The following ICE2 variants were observed in gnomAD, a reference collection of about 807,000 sequenced individuals.
ICE2 encodes the protein interactor of little elongation complex ELL subunit 2.
ICE2 carries 87 observed loss-of-function variants against 105.4 expected under a neutral mutation model. The ratio of observed to expected loss-of-function variants is 0.83; its 90% confidence interval spans 0.69 to 0.99. The LOEUF (loss-of-function observed/expected upper bound fraction) is 0.99. Ranked by LOEUF, ICE2 falls within the 50% of genes least tolerant of loss-of-function variation. The pLI, the probability that ICE2 is intolerant of heterozygous loss-of-function variation, is 0.00. For missense variants in ICE2, 1,323 were observed against 1,146.7 expected (o/e 1.15, Z -2.22); for synonymous variants, 399 against 392.0 (o/e 1.02, Z -0.21).
chr15:60,445,484 A>G (rs879223481), intron 11 of ICE2: 4 of 763,116 alleles, frequency 5.2e-6, no homozygotes, highest in Admixed American at 6.3e-5. Flanking sequence ...ACTACTACAT[A>G]TAATAACGGG....
intron 3 of ICE2, 36 bp downstream of exon 3, chr15:60,476,027 C>A: frequency 7.4e-7 from 1 of 1,359,272 alleles, no homozygotes; most frequent in Non-Finnish European, 1.0e-6. Flanking sequence ...AAACGACCAT[C>A]AAATATGGAA....
rs1292632983 is a variant in ICE2 at position 60,422,528 on chromosome 15, T to C, written c.*1106A>G. The stretch of plus-strand genomic sequence containing the variant: ...CCCGGAAAATTTAAATCAATCAGTA[T>C]AGATGAGGATAAAAATAGCTTATGC... On this transcript the variant is annotated 3_prime_UTR_variant, in exon 16 of 16. Transcript: ENST00000261520. 6.6e-6 allele frequency: 1 copy of C among 152,080 alleles called. No homozygotes were observed. The highest frequency in any genetic ancestry group is 2.4e-5 in the African/African-American group (1 of 41,394). 9.4% of individuals were successfully genotyped at this position (152,080 alleles called of 1,614,324 possible).
chr15:60,477,897 A>C (rs1407646690), intron 2 of ICE2, 40 bp downstream of exon 2: 3 of 1,553,688 alleles, frequency 1.9e-6, no homozygotes, highest in Non-Finnish European at 2.7e-6. Context: ...CAGCCCCACT[A>C]CACTCCTCTT....
rs1381972853 is a variant in ICE2, at chr15:60,442,457, C to G, written c.2384G>C (p.Trp795Ser). ...ALTESELCRL[W>S]TESLLHSNSS... ...GTTGGAATGCAATAAACTTTCAGTC[C>G]ATAAGCGACAAAGTTCACTTTCAGT... is the stretch of plus-strand genomic sequence containing the variant. Residue 795 changes from tryptophan to serine, a missense_variant, in exon 12 of 16, where the codon TGG (tryptophan) becomes TCG (serine). Coordinates refer to ENST00000261520, the MANE Select transcript of ICE2 (RefSeq NM_024611.6). The G allele has an allele frequency of 7.5e-6, 12 of 1,598,958 alleles. No individual in the cohort carries two copies. The highest frequency in any genetic ancestry group is 1.0e-5 in the Non-Finnish European group (12 of 1,177,104).
chr15:60,466,571 A>G (rs1030573730), intron 5 of ICE2, 23 bp downstream of exon 5: 1 of 1,607,760 alleles, frequency 6.2e-7, no homozygotes, highest in Non-Finnish European at 8.5e-7. Context: ...CGCAATTTAC[A>G]CAAATGTGAG....
At chr15:60,456,442 G>T (rs1233413298) in intron 6 of ICE2, among the ~76,000 whole-genome samples, 1 of 148,858 alleles carries the variant, frequency 6.7e-6, no homozygotes, top group Admixed American at 6.8e-5. Context: ...TACTTGGGAG[G>T]CTAAGGCAGG....
At chr15:60,442,341 T>A (rs1342076858) in intron 12 of ICE2, 75 bp downstream of exon 12, 4 of 1,307,468 alleles carry the variant, frequency 3.1e-6, no homozygotes, top group African/African-American at 3.0e-5. Flanking sequence ...AGAATAGAAG[T>A]ATTCACAATT....
chr15:60,420,036 A>G lies in ICE2; in HGVS notation c.*3598T>C, dbSNP rs2063227042. ...AGACCTGGACTTTTGACTTACAGAA[A>G]CTGTGAGATAATGTTTGTTGTTTTA... is the stretch of plus-strand genomic sequence containing the variant. On this transcript the variant is annotated 3_prime_UTR_variant, in exon 16 of 16. Transcript: ENST00000261520. 1 of 152,138 alleles carries G rather than the reference A, an allele frequency of 6.6e-6. No individual in the cohort carries two copies. The allele number at this position is 152,138 out of a possible 1,614,324, so 9.4% of individuals were successfully genotyped here.
rs1304195884 is a variant in ICE2, at chr15:60,456,692, T to C, written c.631A>G (p.Met211Val). The C allele has an allele frequency of 1.3e-6, 2 of 1,598,164 alleles. No homozygotes were observed. The highest frequency in any genetic ancestry group is 1.7e-6 in the Non-Finnish European group (2 of 1,173,064). Residue 211 changes from methionine (M) to valine (V), a missense_variant, in exon 6 of 16, where the codon ATG becomes GTG. Transcript: ENST00000261520. ...LMGFFPFRVE[M>V]GLKLEKTLLA... ...AGAGTTTTTTCTAACTTTAATCCCATCTCTACTCTGAATGGGAAGAATCCC... is the reference window on the plus strand; with the variant it reads ...AGAGTTTTTTCTAACTTTAATCCCACCTCTACTCTGAATGGGAAGAATCCC...
chr15:60,436,130 T>A lies in ICE2; in HGVS notation c.2510+13A>T. 1 of 1,196,208 alleles carries A rather than the reference T, an allele frequency of 8.4e-7. No homozygotes were observed. Among genetic ancestry groups the A allele is most frequent in the Non-Finnish European group, 1.2e-6 (1 of 854,594 alleles). 74.1% of individuals were successfully genotyped at this position (1,196,208 alleles called of 1,614,324 possible). A position where few individuals can be genotyped will look rare whatever the true frequency, so the allele number is the denominator to read the frequency against. ...AAATTTTTCAATTCTCACCACAAAG[T>A]AAACTTTCTTACTTGAGTGCTGAAA... On this transcript the variant is annotated intron_variant, in intron 13 of 15. Coordinates refer to ENST00000261520, the MANE Select transcript of ICE2 (RefSeq NM_024611.6).
chr15:60,447,921 TATTG>T (rs2063859304), intron 11 of ICE2, 45 bp downstream of exon 11: 1 of 1,411,828 alleles, frequency 7.1e-7, no homozygotes, highest in African/African-American at 1.4e-5. Flanking sequence ...GTTAAGTATC[TATTG>T]ATTATTTATG....
At chr15:60,478,105 T>G in intron 1 of ICE2, 36 bp from the exon 2 acceptor site, 1 of 827,788 alleles carries the variant, frequency 1.2e-6, no homozygotes, top group South Asian at 1.4e-5. Context: ...CAAAAGCAAG[T>G]GATTGGCTAG....
chr15:60,428,764 T>A (rs976722215), intron 14 of ICE2, 77 bp from the exon 15 acceptor site: 1 of 1,465,734 alleles, frequency 6.8e-7, no homozygotes, highest in African/African-American at 1.4e-5. Context: ...CATAATCTAT[T>A]AGTAAAATTG....
In ICE2 at chr15:60,453,528, T is replaced by G. The variant is rs777687177; in HGVS notation, c.1125+75A>C. On this transcript the variant is annotated intron_variant, in intron 9 of 15. Transcript: ENST00000261520. ...TATTTTTAACTACTAGGTTTAGGGA[T>G]TTGCAATAAAACTTTATGCTTCAAA... The G allele has an allele frequency of 6.4e-6, 10 of 1,563,824 alleles. No individual in the cohort carries two copies. In the South Asian group the frequency reaches 1.2e-4, roughly 19 times the overall value.
rs774500356 is a variant in ICE2, at chr15:60,428,387, A to G, written c.2820+42T>C. 3.8e-6 allele frequency: 6 copies of G among 1,584,108 alleles called. No homozygotes were observed. In the Admixed American group the frequency reaches 1.0e-4, roughly 28 times the overall value. The stretch of plus-strand genomic sequence containing the variant: ...GTAAAGTCAGTGAAATAGACGAATA[A>G]TAAACAACCTAATGAACCTTTAATT... On this transcript the variant is annotated intron_variant, in intron 15 of 15. Coordinates refer to ENST00000261520, the MANE Select transcript of ICE2 (RefSeq NM_024611.6).
At chr15:60,470,180 C>T (rs1391786254) in intron 3 of ICE2, among the ~76,000 whole-genome samples, 2 of 152,128 alleles carry the variant, frequency 1.3e-5, no homozygotes, top group African/African-American at 4.8e-5. Context: ...TCTCCAACTC[C>T]AGGACATTAT....
At chr15:60,443,818 G>A (rs535863351) in intron 11 of ICE2, among the ~76,000 whole-genome samples, 1 of 152,298 alleles carries the variant, frequency 6.6e-6, no homozygotes, top group South Asian at 2.1e-4. Flanking sequence ...CTCAGGCTGG[G>A]TGCAGTGGCT....
intron 3 of ICE2, among the ~76,000 whole-genome samples, chr15:60,472,648 A>G (rs990634419): frequency 6.6e-6 from 1 of 152,192 alleles, no homozygotes; most frequent in African/African-American, 2.4e-5. Flanking sequence ...AAGCCAGGCT[A>G]TAACCCACAC....
chr15:60,466,924 T>C (rs2064446847), intron 4 of ICE2, among the ~76,000 whole-genome samples: 2 of 152,222 alleles, frequency 1.3e-5, no homozygotes, highest in Admixed American at 6.5e-5. Flanking sequence ...TGACTAAGAC[T>C]ATACAATACA....
Sources: allele counts gnomAD v4.1 joint callset (sites outside exome capture counted in the v4.1 genomes callset), GRCh38; gene constraint gnomAD v4.1.1; transcripts MANE v1.5; gene names NCBI Gene and HGNC (gene_info 2026-07-23, HGNC 2026-07-21).